CNTNAP5: variants seen among roughly 807,000 people sequenced by gnomAD.
CNTNAP5 encodes the protein contactin associated protein family member 5, also known as contactin-associated protein-like 5.
Under a neutral mutation model 150.2 loss-of-function variants are expected in CNTNAP5, and 72 were observed. That is an observed-to-expected ratio of 0.48 (90% CI 0.40 to 0.58). The LOEUF is 0.58. Among genes scored for constraint, CNTNAP5 ranks in the 20% least tolerant of loss-of-function variants. The probability of loss-of-function intolerance (pLI) is 0.00; values close to 1 mark genes in which losing one functional copy is unlikely to be tolerated. For synonymous variants in CNTNAP5, 672 were observed against 619.8 expected (o/e 1.08, Z -1.25); for missense variants, 1,636 against 1,626.2 (o/e 1.01, Z -0.10).
chr2:124,461,299 T>C (rs1218099136), intron 6 of CNTNAP5, among the ~76,000 whole-genome samples: 2 of 151,974 alleles, frequency 1.3e-5, no homozygotes, highest in African/African-American at 4.8e-5. Flanking sequence ...AATGATAGAC[T>C]GGATTAAGAA....
At chr2:124,402,308 C>CTAA (rs1691445190) in intron 3 of CNTNAP5, among the ~76,000 whole-genome samples, 1 of 152,114 alleles carries the variant, frequency 6.6e-6, no homozygotes, top group African/African-American at 2.4e-5. Flanking sequence ...TGAGGAAGCA[C>CTAA]TAATACCCAC....
intron 11 of CNTNAP5, among the ~76,000 whole-genome samples, chr2:124,580,396 C>A (rs1440796031): frequency 1.3e-5 from 2 of 152,208 alleles, no homozygotes; most frequent in Non-Finnish European, 2.9e-5. Flanking sequence ...ACTGTTCAAA[C>A]CATGTTCAAA....
intron 6 of CNTNAP5, among the ~76,000 whole-genome samples, chr2:124,455,896 G>T (rs1395123325): frequency 6.6e-6 from 1 of 152,088 alleles, no homozygotes; most frequent in Non-Finnish European, 1.5e-5. Flanking sequence ...GGCAACATTG[G>T]CATGCAAGGG....
intron 13 of CNTNAP5, among the ~76,000 whole-genome samples, chr2:124,706,798 G>GAAGAAGA (rs1558743008): frequency 0.01 from 74 of 7,290 alleles, no homozygotes; most frequent in Non-Finnish European, 0.016. Context: ...GAAGAAGAAG[G>GAAGAAGA]AGGAGGAGGA....
At chr2:124,152,997 G>A (rs1684441438) in intron 1 of CNTNAP5, among the ~76,000 whole-genome samples, 5 of 152,288 alleles carry the variant, frequency 3.3e-5, no homozygotes, top group Admixed American at 2.0e-4. Flanking sequence ...CCTAGGGTTA[G>A]TTCTGCTTTG....
At chr2:124,695,615 A>C (rs1032064306) in intron 13 of CNTNAP5, among the ~76,000 whole-genome samples, 3 of 152,180 alleles carry the variant, frequency 2.0e-5, no homozygotes, top group Non-Finnish European at 4.4e-5. Flanking sequence ...AATGTCTTCC[A>C]AACTTAAGTG....
chr2:124,735,583 T>A (rs1558755803), intron 13 of CNTNAP5, among the ~76,000 whole-genome samples: 1 of 152,204 alleles, frequency 6.6e-6, no homozygotes, highest in Non-Finnish European at 1.5e-5. Context: ...AATGATTATT[T>A]GATTTATACT....
intron 17 of CNTNAP5, among the ~76,000 whole-genome samples, chr2:124,783,645 C>T (rs1420365606): frequency 6.6e-6 from 1 of 152,100 alleles, no homozygotes; most frequent in Non-Finnish European, 1.5e-5. Context: ...TATCACTAAA[C>T]TCTTTTCCAG....
chr2:124,780,654 T>C (rs546778371), intron 17 of CNTNAP5, among the ~76,000 whole-genome samples: 1 of 152,242 alleles, frequency 6.6e-6, no homozygotes, highest in Admixed American at 6.5e-5. Context: ...ATCTGTTCAA[T>C]AAGACAGCCT....
At chr2:124,667,726 T>G (rs2105053114) in intron 13 of CNTNAP5, among the ~76,000 whole-genome samples, 1 of 152,374 alleles carries the variant, frequency 6.6e-6, no homozygotes, top group Non-Finnish European at 1.5e-5. Context: ...GTAGCCATTT[T>G]CCTGTCTATT....
chr2:124,747,311 G>C lies in CNTNAP5; in HGVS notation c.2160G>C (p.Gln720His), dbSNP rs374480866. The C allele has an allele frequency of 1.9e-6, 3 of 1,613,734 alleles. No homozygotes were observed. The African/African-American group carries it at 4.0e-5, about 22-fold the overall frequency. Residue 720 changes from glutamine (Q) to histidine (H), a missense_variant, in exon 14 of 24, where the codon CAG becomes CAC. By Grantham distance (24) the Gln-to-His change is conservative. Transcript: ENST00000682447. The stretch of plus-strand genomic sequence containing the variant: ...GAGGTTCCCCTCCTGGGGTCCAGCA[G>C]TGTGAGTGTGGCCTAGACGAGAGCT... Reference protein sequence around the residue: ...YWGGSPPGVQQCECGLDESCL... With the variant: ...YWGGSPPGVQHCECGLDESCL...
intron 17 of CNTNAP5, among the ~76,000 whole-genome samples, chr2:124,781,520 A>G (rs1372174011): frequency 6.6e-6 from 1 of 152,206 alleles, no homozygotes; most frequent in Non-Finnish European, 1.5e-5. Flanking sequence ...CTCAGTGTGT[A>G]GGAAGCAGAT....
chr2:124,633,548 C>T lies in CNTNAP5; in HGVS notation c.1877-14210C>T, dbSNP rs962550415. 5.9e-5 allele frequency among the ~76,000 whole-genome samples: 9 copies of T among 152,336 alleles called. No individual in the cohort carries two copies. In the East Asian group the frequency reaches 9.7e-4, roughly 16 times the overall value. ...GGTACAGCCTCTGTGGCTGCTTTCA[C>T]AGACTCACAGTGCAAGCTGTTAGTG... On this transcript the variant is annotated intron_variant, in intron 12 of 23. Transcript: ENST00000682447.
chr2:124,715,755 A>T (rs900731474), intron 13 of CNTNAP5, among the ~76,000 whole-genome samples: 2 of 152,166 alleles, frequency 1.3e-5, no homozygotes, highest in Non-Finnish European at 2.9e-5. Context: ...TCTGGGTGAC[A>T]ATACTCTCCC....
Position 124,919,628 on chromosome 2 carries a change from T to C in CNTNAP5, c.*5340T>C, listed in dbSNP as rs1482606333. 6.6e-6 allele frequency among the ~76,000 whole-genome samples: 1 copy of C among 152,060 alleles called. No individual in the cohort carries two copies. Among genetic ancestry groups the C allele is most frequent in the East Asian group, 1.9e-4 (1 of 5,160 alleles). ...GCTCCTCACTCAGGAGTCTCTTTAGTGCATTTGGATCATTGTCTTACTCAT... is the reference window on the plus strand; with the variant it reads ...GCTCCTCACTCAGGAGTCTCTTTAGCGCATTTGGATCATTGTCTTACTCAT... On this transcript the variant is annotated 3_prime_UTR_variant, in exon 24 of 24. Coordinates refer to ENST00000682447, the MANE Select transcript of CNTNAP5 (RefSeq NM_001367498.1).
At chr2:124,349,589 AC>A (rs1689823309) in intron 3 of CNTNAP5, among the ~76,000 whole-genome samples, 1 of 152,180 alleles carries the variant, frequency 6.6e-6, no homozygotes, top group Admixed American at 6.5e-5. Flanking sequence ...TGTCTAACAC[AC>A]CTATAAGAAG....
intron 3 of CNTNAP5, among the ~76,000 whole-genome samples, chr2:124,325,476 G>A (rs1270257784): frequency 6.6e-6 from 1 of 152,192 alleles, no homozygotes; most frequent in Admixed American, 6.5e-5. Context: ...TTCTGTAAAA[G>A]CTTTATCTCA....
chr2:124,461,223 C>T (rs1573389387), intron 6 of CNTNAP5, among the ~76,000 whole-genome samples: 2 of 152,040 alleles, frequency 1.3e-5, no homozygotes, highest in East Asian at 1.9e-4. Context: ...AAGACACATG[C>T]AGACGTATGT....
At chr2:124,052,098 T>A (rs183511260) in intron 1 of CNTNAP5, among the ~76,000 whole-genome samples, 70 of 152,268 alleles carry the variant, frequency 4.6e-4, no homozygotes, top group Non-Finnish European at 9.0e-4. Flanking sequence ...GGTTTCTAAG[T>A]GCTTATCCTC....
Sources: allele counts gnomAD v4.1 joint callset (sites outside exome capture counted in the v4.1 genomes callset), GRCh38; gene constraint gnomAD v4.1.1; transcripts MANE v1.5; gene names NCBI Gene and HGNC (gene_info 2026-07-23, HGNC 2026-07-21).